BMP2K: variants seen among roughly 807,000 people sequenced by gnomAD.
BMP2K encodes the protein BMP2 inducible kinase, also known as BMP-2-inducible protein kinase.
In BMP2K, 74 loss-of-function variants were observed where a neutral mutation model predicts 116.0. That is an observed-to-expected ratio of 0.64 (90% CI 0.53 to 0.77). The LOEUF (loss-of-function observed/expected upper bound fraction) is 0.77, where lower values mean the gene tolerates loss of function less well. Among genes scored for constraint, BMP2K ranks in the 30% least tolerant of loss-of-function variants. The pLI is 0.00. For synonymous variants in BMP2K, 486 were observed against 502.5 expected (o/e 0.97, Z 0.44); for missense variants, 1,365 against 1,403.6 (o/e 0.97, Z 0.44).
chr4:78,795,160 C>T (rs114787856), intron 1 of BMP2K, among the ~76,000 whole-genome samples: 27 of 152,328 alleles, frequency 1.8e-4, no homozygotes, highest in Non-Finnish European at 2.8e-4. Flanking sequence ...TATTTGCTCA[C>T]ATTTATCGCA....
Position 78,870,905 on chromosome 4 carries a change from C to T in BMP2K, c.1354C>T (p.His452Tyr), listed in dbSNP as rs762936092. 1.9e-6 allele frequency: 3 copies of T among 1,613,998 alleles called. No individual in the cohort carries two copies. The highest frequency in any genetic ancestry group is 1.7e-6 in the Non-Finnish European group (2 of 1,180,012). ...GGGAGATTGGAGATTACAGCAACTC[C>T]ATTTACAGCATCGTCATCCTCACCA... ...QQGDWRLQQL[H>Y]LQHRHPHQQQ... The change falls in exon 11 of 16, where the codon CAT (histidine) becomes TAT (tyrosine). Residue 452 changes from histidine (H) to tyrosine (Y), a missense_variant. By Grantham distance (83) the His-to-Tyr change is moderately conservative (BLOSUM62 2). Coordinates refer to ENST00000502613, the MANE Select transcript of BMP2K (RefSeq NM_198892.2).
In BMP2K at chr4:78,887,204, A is replaced by G; in HGVS notation, c.1982A>G (p.Lys661Arg). The G allele has an allele frequency of 6.2e-7, 1 of 1,611,074 alleles. No individual in the cohort carries two copies. Among genetic ancestry groups the G allele is most frequent in the Non-Finnish European group, 8.5e-7 (1 of 1,178,582 alleles). Residue 661 changes from lysine to arginine, a missense_variant, in exon 15 of 16, where the codon AAG (lysine) becomes AGG (arginine). By Grantham distance (26) the Lys-to-Arg change is conservative. Coordinates refer to ENST00000502613, the MANE Select transcript of BMP2K (RefSeq NM_198892.2). ...NRLEERASSD[K>R]NVDSLSAPHN... ...CTCGAGGAGAGAGCATCCTCAGATAAGAATGTAGACTCACTTTCTGCTCCA... is the reference window on the plus strand; with the variant it reads ...CTCGAGGAGAGAGCATCCTCAGATAGGAATGTAGACTCACTTTCTGCTCCA...
intron 12 of BMP2K, chr4:78,872,303 C>A: frequency 1.1e-5 from 1 of 90,456 alleles, no homozygotes; most frequent in Non-Finnish European, 2.0e-5. Flanking sequence ...ATAATTTGAC[C>A]TTTTTTTTTT....
At chr4:78,789,803 C>G (rs1479010014) in intron 1 of BMP2K, among the ~76,000 whole-genome samples, 3 of 152,210 alleles carry the variant, frequency 2.0e-5, no homozygotes, top group African/African-American at 7.2e-5. Flanking sequence ...TGCAATACTT[C>G]AGCTTCTTCA....
intron 14 of BMP2K, among the ~76,000 whole-genome samples, chr4:78,883,570 C>T (rs72862524): frequency 6.6e-6 from 1 of 152,096 alleles, no homozygotes; most frequent in Non-Finnish European, 1.5e-5. Context: ...CTTATAGGGA[C>T]CCCTACATAA....
chr4:78,818,655 T>C (rs1314699940), intron 1 of BMP2K, among the ~76,000 whole-genome samples: 9 of 152,244 alleles, frequency 5.9e-5, no homozygotes. Flanking sequence ...GCCTTGGGCA[T>C]GGTTAAGCAG....
At chr4:78,805,299 G>A (rs1485757474) in intron 1 of BMP2K, among the ~76,000 whole-genome samples, 1 of 152,144 alleles carries the variant, frequency 6.6e-6, no homozygotes, top group African/African-American at 2.4e-5. Context: ...GTACCACACT[G>A]TCTTGATTGC....
intron 14 of BMP2K, among the ~76,000 whole-genome samples, chr4:78,881,989 T>C (rs1363217276): frequency 6.6e-6 from 1 of 152,048 alleles, no homozygotes; most frequent in Non-Finnish European, 1.5e-5. Context: ...TAAAACACTT[T>C]CCAGTGAGAA....
intron 7 of BMP2K, among the ~76,000 whole-genome samples, chr4:78,858,085 ATTG>A (rs957503852): frequency 1.6e-4 from 24 of 152,090 alleles, no homozygotes; most frequent in African/African-American, 5.8e-4. Context: ...ATAATTAGCT[ATTG>A]TTGAAATTAG....
intron 3 of BMP2K, among the ~76,000 whole-genome samples, chr4:78,840,772 A>G (rs1359923178): frequency 6.6e-6 from 1 of 152,132 alleles, no homozygotes; most frequent in Admixed American, 6.6e-5. Flanking sequence ...GAGGATTTCT[A>G]CTTCAAAGGT....
chr4:78,803,414 G>A (rs555476405), intron 1 of BMP2K, among the ~76,000 whole-genome samples: 1 of 151,794 alleles, frequency 6.6e-6, no homozygotes, highest in Non-Finnish European at 1.5e-5. Context: ...TTTTTGGGGG[G>A]GATCAGAGTC....
intron 12 of BMP2K, 135 bp from the exon 13 acceptor site, chr4:78,872,479 C>CTTCT: frequency 1.3e-6 from 1 of 751,988 alleles, no homozygotes; most frequent in East Asian, 2.8e-5. Flanking sequence ...AATAGAGCTG[C>CTTCT]TTCTGTAGAT....
chr4:78,914,640 A>G lies in BMP2K; in HGVS notation c.*2607A>G, dbSNP rs908573946. 3 of 151,766 alleles carry G rather than the reference A, an allele frequency of 2.0e-5. No homozygotes were observed. Among genetic ancestry groups the G allele is most frequent in the Admixed American group, 1.3e-4 (2 of 15,202 alleles). The allele number at this position is 151,766 out of a possible 1,614,324, so 9.4% of individuals were successfully genotyped here. A position where few individuals can be genotyped will look rare whatever the true frequency, so the allele number is the denominator to read the frequency against. ...AGTACCTGGCACACAGCACTCAATA[A>G]AAGTTTGGCTCTATTATGGGATGGT... On this transcript the variant is annotated 3_prime_UTR_variant, in exon 16 of 16. Coordinates refer to ENST00000502613, the MANE Select transcript of BMP2K (RefSeq NM_198892.2).
chr4:78,819,320 G>T (rs960662259), intron 1 of BMP2K, among the ~76,000 whole-genome samples: 1 of 152,170 alleles, frequency 6.6e-6, no homozygotes, highest in African/African-American at 2.4e-5. Context: ...CTCCCAAAGT[G>T]CTGGGATTAC....
rs79460388 is a variant in BMP2K at position 78,868,607 on chromosome 4, T to C, written c.1232-2176T>C. 3.9e-5 allele frequency among the ~76,000 whole-genome samples: 6 copies of C among 152,124 alleles called. No homozygotes were observed. In the East Asian group the frequency reaches 9.7e-4, roughly 25 times the overall value. On this transcript the variant is annotated intron_variant, in intron 10 of 15. Transcript: ENST00000502613. ...AGGGCAAGTCCCTTCCACCTATGAG[T>C]CTGTAAAATCAAAAGCAAGCTAGTT...
chr4:78,806,378 A>G (rs922096292), intron 1 of BMP2K, among the ~76,000 whole-genome samples: 10 of 152,010 alleles, frequency 6.6e-5, no homozygotes, highest in African/African-American at 1.4e-4. Flanking sequence ...GAGTCTTGCT[A>G]TGTTGTGCAG....
Position 78,872,735 on chromosome 4 carries a change from C to T in BMP2K, c.1730C>T (p.Ser577Phe). 6.2e-7 allele frequency: 1 copy of T among 1,614,166 alleles called. No individual in the cohort carries two copies. Among genetic ancestry groups the T allele is most frequent in the Non-Finnish European group, 8.5e-7 (1 of 1,180,012 alleles). The change falls in exon 13 of 16, where the codon TCC becomes TTC. Residue 577 changes from serine (S) to phenylalanine (F), a missense_variant. Around this residue, in one of 3 missense-constraint regions of BMP2K, gnomAD observed 762 missense variants for 756.7 expected, o/e 1.01. Coordinates refer to ENST00000502613, the MANE Select transcript of BMP2K (RefSeq NM_198892.2). ...SPQEFSPALV[S>F]YTSSLPAQVG... is the part of the protein sequence containing the mutation. Reference sequence around the variant, plus strand: ...CAAGAGTTCTCACCAGCCTTAGTTTCCTACACTTCATCACTTCCAGCTCAG... The same window carrying T: ...CAAGAGTTCTCACCAGCCTTAGTTTTCTACACTTCATCACTTCCAGCTCAG...
At chr4:78,906,367 C>G (rs187507290) in intron 15 of BMP2K, among the ~76,000 whole-genome samples, 7 of 151,832 alleles carry the variant, frequency 4.6e-5, no homozygotes, top group Non-Finnish European at 8.8e-5. Flanking sequence ...TGTAGGGGGG[C>G]AAAATAAGTA....
chr4:78,848,947 A>G (rs1399947439), intron 6 of BMP2K, among the ~76,000 whole-genome samples: 1 of 151,438 alleles, frequency 6.6e-6, no homozygotes, highest in Non-Finnish European at 1.5e-5. Flanking sequence ...TTAGGTGTGA[A>G]TTCAGTAATA....
Sources: gnomAD v4.1 joint callset for allele counts (sites outside exome capture counted in the v4.1 genomes callset) on GRCh38, gnomAD v4.1.1 for gene constraint, gnomAD v4.1.1 regional missense constraint, MANE v1.5 for transcripts, NCBI Gene and HGNC (gene_info 2026-07-23, HGNC 2026-07-21) for gene names.